Variants in TTC27 observed in about 807,000 individuals in gnomAD.
The protein encoded by TTC27 is tetratricopeptide repeat protein 27.
In TTC27, 79 loss-of-function variants were observed where a neutral mutation model predicts 115.9. The observed-to-expected ratio is 0.68, with a 90% CI of 0.57 to 0.82. TTC27 has a LOEUF of 0.82. Ranked by LOEUF, TTC27 falls within the 40% of genes least tolerant of loss-of-function variation. The pLI is 0.00. For missense variants in TTC27, 1,054 were observed against 993.1 expected (o/e 1.06, Z -0.82); for synonymous variants, 401 against 356.0 (o/e 1.13, Z -1.42).
intron 12 of TTC27, among the ~76,000 whole-genome samples, chr2:32,748,484 G>T (rs1413459041): frequency 3.3e-5 from 5 of 152,092 alleles, no homozygotes; most frequent in African/African-American, 1.2e-4. Context: ...TACATCTTTT[G>T]TGTAGTTATT....
At chr2:32,634,907 T>A (rs546393492) in intron 3 of TTC27, among the ~76,000 whole-genome samples, 1 of 152,258 alleles carries the variant, frequency 6.6e-6, no homozygotes, top group South Asian at 2.1e-4. Flanking sequence ...TCCTCCCACC[T>A]CAGCCTCCCA....
chr2:32,799,341 A>T (rs1318270147), intron 16 of TTC27, among the ~76,000 whole-genome samples: 1 of 152,188 alleles, frequency 6.6e-6, no homozygotes, highest in African/African-American at 2.4e-5. Flanking sequence ...AATGTATTTA[A>T]TACTGATGAA....
At chr2:32,746,023 C>CA (rs1228154631) in intron 12 of TTC27, among the ~76,000 whole-genome samples, 2 of 150,880 alleles carry the variant, frequency 1.3e-5, no homozygotes, top group African/African-American at 2.4e-5. Flanking sequence ...TAGTCATTGC[C>CA]AAAAAAAAGT....
At chr2:32,664,914 C>T (rs1233312364) in intron 6 of TTC27, among the ~76,000 whole-genome samples, 1 of 151,684 alleles carries the variant, frequency 6.6e-6, no homozygotes, top group East Asian at 1.9e-4. Flanking sequence ...CTCACTGCAA[C>T]CTTGGCCTCC....
chr2:32,726,041 A>G (rs1034354473), intron 10 of TTC27, among the ~76,000 whole-genome samples: 1 of 152,072 alleles, frequency 6.6e-6, no homozygotes, highest in Non-Finnish European at 1.5e-5. Flanking sequence ...CAGGGCACCA[A>G]GTCCCTAGGC....
chr2:32,738,223 A>G (rs1479835361), intron 12 of TTC27, among the ~76,000 whole-genome samples: 1 of 152,172 alleles, frequency 6.6e-6, no homozygotes, highest in African/African-American at 2.4e-5. Context: ...CCGGTAGTCA[A>G]ATGCCAGCCT....
At chr2:32,756,572 A>G (rs1291264050) in intron 12 of TTC27, among the ~76,000 whole-genome samples, 1 of 152,232 alleles carries the variant, frequency 6.6e-6, no homozygotes, top group Admixed American at 6.5e-5. Context: ...ATCCAAAGAC[A>G]CTTTTAGAAG....
At position 32,678,934 on chromosome 2, in the gene TTC27, C is replaced by T. The variant is rs762028953; in HGVS notation, c.1119+12C>T. 30 of 1,608,726 alleles carry T rather than the reference C, an allele frequency of 1.9e-5. 2 individuals carry two copies. The South Asian group carries it at 2.9e-4, about 15-fold the overall frequency. On this transcript the variant is annotated intron_variant, in intron 9 of 19. Transcript: ENST00000317907. ...TGGCATTTACATCAGTGAGTAATGT[C>T]TTTTTCTCTTCCATTTCATTTTTTT... is the stretch of plus-strand genomic sequence containing the variant.
intron 13 of TTC27, among the ~76,000 whole-genome samples, chr2:32,769,668 A>C (rs930182239): frequency 7.2e-5 from 11 of 152,184 alleles, no homozygotes; most frequent in African/African-American, 2.7e-4. Context: ...TGAAGATATT[A>C]GCTTTGGAAA....
At chr2:32,655,460 A>G (rs1160896120) in intron 5 of TTC27, among the ~76,000 whole-genome samples, 1 of 152,180 alleles carries the variant, frequency 6.6e-6, no homozygotes, top group Non-Finnish European at 1.5e-5. Flanking sequence ...ATAGCATTTT[A>G]AAATCTAGCT....
intron 14 of TTC27, among the ~76,000 whole-genome samples, chr2:32,780,458 G>A (rs1253452420): frequency 1.3e-5 from 2 of 150,704 alleles, no homozygotes; most frequent in Non-Finnish European, 3.0e-5. Flanking sequence ...TTATTTTTTT[G>A]AGACAGAATC....
At chr2:32,817,392 T>C in intron 18 of TTC27, 65 bp from the exon 19 acceptor site, 1 of 1,359,248 alleles carries the variant, frequency 7.4e-7, no homozygotes, top group South Asian at 1.3e-5. Context: ...AATAATTGGC[T>C]TTTGTACCTG....
In TTC27 at chr2:32,786,127, ATT is replaced by A. The variant is rs35589216; in HGVS notation, c.1833-846_1833-845del. Among the ~76,000 whole-genome samples, 77 of 148,736 alleles carry A rather than the reference ATT, an allele frequency of 5.2e-4. No homozygotes were observed. In the South Asian group the frequency reaches 6.6e-3, roughly 13 times the overall value. On this transcript the variant is annotated intron_variant, in intron 15 of 19. Transcript: ENST00000317907. ...CTCCTCCCTCTCCCCCTTAAAATCA[ATT>A]TTTTTTTTTTAACATGGAGTCTTGC...
intron 19 of TTC27, among the ~76,000 whole-genome samples, chr2:32,818,992 G>C (rs1671596761): frequency 6.6e-6 from 1 of 152,092 alleles, no homozygotes; most frequent in Non-Finnish European, 1.5e-5. Context: ...ATCTATAAGA[G>C]CCCCCTCAAA....
At chr2:32,650,097 C>G in intron 4 of TTC27, 34 bp from the exon 5 acceptor site, 1 of 1,538,510 alleles carries the variant, frequency 6.5e-7, no homozygotes, top group Non-Finnish European at 8.9e-7. Context: ...CTAAAGTATC[C>G]TTTTATTTCA....
At chr2:32,668,577 C>G (rs1224469871) in intron 7 of TTC27, among the ~76,000 whole-genome samples, 1 of 120,306 alleles carries the variant, frequency 8.3e-6, no homozygotes, top group Admixed American at 9.4e-5. Context: ...TTCCTTCCTT[C>G]CTTCCTTCCT....
At chr2:32,814,182 C>T (rs1375293613) in intron 18 of TTC27, among the ~76,000 whole-genome samples, 5 of 152,088 alleles carry the variant, frequency 3.3e-5, no homozygotes, top group Non-Finnish European at 7.4e-5. Context: ...CTGAACTCAC[C>T]AAGTAATGGT....
chr2:32,805,595 G>C (rs1671102888), intron 16 of TTC27, among the ~76,000 whole-genome samples: 1 of 152,216 alleles, frequency 6.6e-6, no homozygotes, highest in Non-Finnish European at 1.5e-5. Flanking sequence ...GGTATCAAGA[G>C]CTGACACCAT....
At chr2:32,753,117 C>T (rs1273435804) in intron 12 of TTC27, among the ~76,000 whole-genome samples, 1 of 152,124 alleles carries the variant, frequency 6.6e-6, no homozygotes, top group African/African-American at 2.4e-5. Context: ...CAACTCTCTT[C>T]ATCTAATCTC....
Sources: gnomAD v4.1 joint callset for allele counts (sites outside exome capture counted in the v4.1 genomes callset) on GRCh38, gnomAD v4.1.1 for gene constraint, MANE v1.5 for transcripts, NCBI Gene and HGNC (gene_info 2026-07-23, HGNC 2026-07-21) for gene names.